The following RAB3GAP1 variants were observed in gnomAD, a reference collection of about 807,000 sequenced individuals.
RAB3GAP1 encodes rab3 GTPase-activating protein catalytic subunit.
Under a neutral mutation model 130.7 loss-of-function variants are expected in RAB3GAP1, and 86 were observed. The observed-to-expected ratio is 0.66, with a 90% CI of 0.55 to 0.79. The LOEUF (loss-of-function observed/expected upper bound fraction) is 0.79. Ranked by LOEUF, RAB3GAP1 falls within the 30% of genes least tolerant of loss-of-function variation. RAB3GAP1 has a pLI of 0.00. For missense variants in RAB3GAP1, 1,029 were observed against 1,169.4 expected, an observed-to-expected ratio of 0.88 and a Z score of 1.75; for synonymous variants, 367 against 401.7, an observed-to-expected ratio of 0.91 and a Z score of 1.03.
At chr2:135,086,365 T>C (rs1023786337) in intron 3 of RAB3GAP1, among the ~76,000 whole-genome samples, 2 of 152,222 alleles carry the variant, frequency 1.3e-5, no homozygotes, top group Admixed American at 1.3e-4. Flanking sequence ...CTCTGTGTTC[T>C]CTGTGACACT....
chr2:135,102,957 G>A (rs1690489719), intron 5 of RAB3GAP1, among the ~76,000 whole-genome samples: 1 of 134,048 alleles, frequency 7.5e-6, no homozygotes, highest in African/African-American at 3.0e-5. Flanking sequence ...AGAGGTTGCA[G>A]CAAGTCAAGA....
chr2:135,095,539 A>T (rs1690269165), intron 5 of RAB3GAP1, among the ~76,000 whole-genome samples: 2 of 152,220 alleles, frequency 1.3e-5, no homozygotes, highest in South Asian at 4.1e-4. Context: ...TTGATCTGTT[A>T]TGTGATAAAA....
At chr2:135,124,034 T>TCTAACTTG in intron 8 of RAB3GAP1, 131 bp from the exon 9 acceptor site, 1 of 811,148 alleles carries the variant, frequency 1.2e-6, no homozygotes, top group Non-Finnish European at 2.0e-6. Flanking sequence ...TGTAAGTTGG[T>TCTAACTTG]CTAACTTGCT....
intron 3 of RAB3GAP1, among the ~76,000 whole-genome samples, chr2:135,069,217 T>A (rs1423930591): frequency 6.6e-6 from 1 of 152,206 alleles, no homozygotes; most frequent in South Asian, 2.1e-4. Context: ...CTTGTCATGT[T>A]CCCTTTGTAT....
chr2:135,132,829 GT>G, intron 13 of RAB3GAP1, 65 bp from the exon 14 acceptor site: 1 of 940,754 alleles, frequency 1.1e-6, no homozygotes. Context: ...GTCTATATGA[GT>G]TATAAAAATC....
At chr2:135,164,748 G>T in intron 23 of RAB3GAP1, 52 bp downstream of exon 23, 2 of 1,423,650 alleles carry the variant, frequency 1.4e-6, no homozygotes, top group Non-Finnish European at 1.9e-6. Flanking sequence ...ACCTCTACTT[G>T]GGAAGAGGCT....
At chr2:135,095,540 T>C (rs1318910641) in intron 5 of RAB3GAP1, among the ~76,000 whole-genome samples, 1 of 152,238 alleles carries the variant, frequency 6.6e-6, no homozygotes, top group Non-Finnish European at 1.5e-5. Context: ...TGATCTGTTA[T>C]GTGATAAAAT....
intron 7 of RAB3GAP1, among the ~76,000 whole-genome samples, chr2:135,119,861 A>G (rs558181278): frequency 1.3e-5 from 2 of 152,322 alleles, no homozygotes; most frequent in East Asian, 1.9e-4. Flanking sequence ...TTTAAGTCCT[A>G]TTTTATATTA....
intron 6 of RAB3GAP1, 115 bp downstream of exon 6, chr2:135,113,385 T>A: frequency 1.5e-6 from 2 of 1,369,172 alleles, no homozygotes; most frequent in East Asian, 4.7e-5. Context: ...TTAGTGCATA[T>A]ATATTGTTAA....
In RAB3GAP1 at chr2:135,130,028, G is replaced by T; in HGVS notation, c.1007G>T (p.Arg336Leu). The T allele has an allele frequency of 3.1e-6, 5 of 1,611,142 alleles. No homozygotes were observed. The South Asian group carries it at 5.5e-5, about 18-fold the overall frequency. The change falls in exon 12 of 24, where the codon CGT (arginine) becomes CTT (leucine). Residue 336 changes from arginine (R) to leucine (L), a missense_variant. By Grantham distance (102) the Arg-to-Leu change is moderately radical. Transcript: ENST00000264158. The stretch of plus-strand genomic sequence containing the variant: ...GTCACTGAATTTTTTAAAATTTGCC[G>T]TCGAAAGGAGTCAACTGATGAGATT... ...DFVTEFFKICRRKESTDEILG... is the reference protein window; with the variant it reads ...DFVTEFFKICLRKESTDEILG...
intron 17 of RAB3GAP1, among the ~76,000 whole-genome samples, chr2:135,144,902 T>C (rs1047099280): frequency 1.3e-5 from 2 of 152,236 alleles, no homozygotes; most frequent in African/African-American, 4.8e-5. Context: ...AATTTGCCAT[T>C]GCACACAAGA....
intron 5 of RAB3GAP1, among the ~76,000 whole-genome samples, chr2:135,103,034 G>GGTTTTTTTTTTTTTTTTT (rs1355666279): frequency 1.0e-5 from 1 of 100,460 alleles, no homozygotes; most frequent in African/African-American, 6.8e-5. Context: ...TCATTTTTGT[G>GGTTTTTTTTTTTTTTTTT]ATTTTTTTTT....
At chr2:135,115,741 T>C (rs1371802588) in intron 7 of RAB3GAP1, among the ~76,000 whole-genome samples, 2 of 152,210 alleles carry the variant, frequency 1.3e-5, no homozygotes, top group Non-Finnish European at 2.9e-5. Context: ...AGCATTTGAC[T>C]ATGAGCTCCT....
chr2:135,098,672 A>T (rs981619006), intron 5 of RAB3GAP1, among the ~76,000 whole-genome samples: 1 of 152,136 alleles, frequency 6.6e-6, no homozygotes, highest in Non-Finnish European at 1.5e-5. Context: ...ATCCCAATAT[A>T]TCCATTTTGA....
intron 11 of RAB3GAP1, among the ~76,000 whole-genome samples, chr2:135,128,977 C>T (rs1299624531): frequency 1.3e-5 from 2 of 152,076 alleles, no homozygotes; most frequent in African/African-American, 2.4e-5. Context: ...ATGGCAAAAC[C>T]TCGTCTCTAC....
chr2:135,145,970 AATTTGAAACATGGATTCTGTTAACT>A (rs1691978448), intron 17 of RAB3GAP1, among the ~76,000 whole-genome samples: 1 of 152,160 alleles, frequency 6.6e-6, no homozygotes, highest in Non-Finnish European at 1.5e-5. Context: ...AATAAATAAT[AATTTGAAACATGGATTCTGTTAACT>A]TTATTATCCA....
At chr2:135,167,810 G>A (rs558514386) in intron 23 of RAB3GAP1, 6 of 1,083,258 alleles carry the variant, frequency 5.5e-6, no homozygotes, top group African/African-American at 3.2e-5. Context: ...TCACAGTCTG[G>A]ATTTGGCTTA....
At chr2:135,171,144 A>G (rs561946269), downstream of RAB3GAP1, among the ~76,000 whole-genome samples, 219 of 152,090 alleles carry the variant, frequency 1.4e-3, no homozygotes, top group African/African-American at 5.0e-3. Context: ...ATAAGGGAAA[A>G]TGTCTATTTG....
chr2:135,089,526 T>G (rs1047617102), intron 3 of RAB3GAP1: 2 of 152,594 alleles, frequency 1.3e-5, no homozygotes, highest in East Asian at 3.9e-4. Flanking sequence ...GAGCATGGAC[T>G]GTTTGTCCAT....
Sources: allele counts gnomAD v4.1 joint callset (sites outside exome capture counted in the v4.1 genomes callset), GRCh38; gene constraint gnomAD v4.1.1; transcripts MANE v1.5; gene names NCBI Gene and HGNC (gene_info 2026-07-23, HGNC 2026-07-21).